CBLB: variants seen among roughly 807,000 people sequenced by gnomAD.
CBLB encodes E3 ubiquitin-protein ligase CBL-B.
CBLB carries 31 observed loss-of-function variants against 104.9 expected under a neutral mutation model. The observed-to-expected ratio is 0.30, with a 90% confidence interval of 0.22 to 0.40. The LOEUF is 0.40. CBLB is among the 10% of genes least tolerant of loss of function. The pLI, the probability that CBLB is intolerant of heterozygous loss-of-function variation, is 1.00. For synonymous variants in CBLB, 440 were observed against 422.6 expected (o/e 1.04, Z -0.51); for missense variants, 1,062 against 1,214.6 (o/e 0.87, Z 1.87).
intron 3 of CBLB, among the ~76,000 whole-genome samples, chr3:105,836,999 T>A (rs938229581): frequency 3.3e-5 from 5 of 149,914 alleles, no homozygotes; most frequent in Non-Finnish European, 5.9e-5. Flanking sequence ...ATAGCAAGAA[T>A]ATTAGATCCA....
Position 105,745,927 on chromosome 3 carries a change from T to G in CBLB, c.835A>C (p.Lys279Gln). The change falls in exon 6 of 19, where the codon AAA (lysine) becomes CAA (glutamine). Residue 279 changes from lysine (K) to glutamine (Q), a missense_variant. By Grantham distance (53) the Lys-to-Gln change is moderately conservative. Transcript: ENST00000394030. The stretch of plus-strand genomic sequence containing the variant: ...GCTAAAAAGTCTTACCTTCCGGGTT[T>G]GGTGCTATATTTCTGTAGTCGTGCT... ...VKARLQKYST[K>Q]PGSYIFRLSC... 6.2e-7 allele frequency: 1 copy of G among 1,612,200 alleles called. No homozygotes were observed. Among genetic ancestry groups the G allele is most frequent in the Non-Finnish European group, 8.5e-7 (1 of 1,178,284 alleles).
At chr3:105,831,467 C>T (rs1483517015) in intron 3 of CBLB, among the ~76,000 whole-genome samples, 6 of 152,180 alleles carry the variant, frequency 3.9e-5, no homozygotes, top group South Asian at 2.1e-4. Flanking sequence ...AAATGAGAAC[C>T]TGAAGCATCA....
intron 8 of CBLB, 45 bp from the exon 9 acceptor site, chr3:105,734,185 A>G: frequency 6.2e-7 from 1 of 1,603,002 alleles, no homozygotes; most frequent in Non-Finnish European, 8.5e-7. Context: ...ATGTATTTCC[A>G]GCACAAATTG....
rs1041929678 is a variant in CBLB at position 105,868,229 on chromosome 3, A to C, written c.-15+507T>G. The C allele has an allele frequency of 3.2e-6, 4 of 1,232,458 alleles. No individual in the cohort carries two copies. In the Admixed American group the frequency reaches 1.7e-4, roughly 52 times the overall value. The allele number at this position is 1,232,458 out of a possible 1,614,324, so 76.3% of individuals were successfully genotyped here. ...AAGAACCAAATGAAATTAACACACA[A>C]ATAGCCCATTTGAAAAGAGAAAAGA... On this transcript the variant is annotated intron_variant, in intron 1 of 18. Transcript: ENST00000394030.
chr3:105,700,657 G>A lies in CBLB; in HGVS notation c.1959+1437C>T, dbSNP rs761298508. On this transcript the variant is annotated intron_variant, in intron 12 of 18. Transcript: ENST00000394030. ...TTAGGTGAACCTGAGGAAACCTTTA[G>A]AGATCCTCATATTTATAATAGATGA... Among the ~76,000 whole-genome samples the A allele has an allele frequency of 5.3e-5, 8 of 152,120 alleles. 1 individual carries two copies. The highest frequency in any genetic ancestry group is 1.3e-4 in the Admixed American group (2 of 15,274).
intron 12 of CBLB, among the ~76,000 whole-genome samples, chr3:105,695,640 TCTAA>T (rs2068271407): frequency 2.0e-5 from 3 of 151,986 alleles, no homozygotes; most frequent in Non-Finnish European, 4.4e-5. Flanking sequence ...TGTCACTTTT[TCTAA>T]CTGTTTCAGA....
chr3:105,669,473 T>G (rs1401951458), intron 18 of CBLB, among the ~76,000 whole-genome samples: 1 of 152,276 alleles, frequency 6.6e-6, no homozygotes, highest in East Asian at 1.9e-4. Flanking sequence ...GTTTGCTGTT[T>G]AGGCAATCCA....
chr3:105,782,256 T>C (rs907923271), intron 3 of CBLB, among the ~76,000 whole-genome samples: 2 of 152,156 alleles, frequency 1.3e-5, no homozygotes, highest in Non-Finnish European at 2.9e-5. Context: ...AAAGTTCAAA[T>C]ACCAATAAAG....
At position 105,662,190 on chromosome 3, in the gene CBLB, C is replaced by T. The variant is rs181228288; in HGVS notation, c.2690-2961G>A. 1.4e-3 allele frequency among the ~76,000 whole-genome samples: 208 copies of T among 152,290 alleles called. 1 individual carries two copies. Among genetic ancestry groups the T allele is most frequent in the African/African-American group, 3.7e-3 (155 of 41,560 alleles). On this transcript the variant is annotated intron_variant, in intron 18 of 18. Coordinates refer to ENST00000394030, the MANE Select transcript of CBLB (RefSeq NM_170662.5). ...TTTCTGTCTCTTCCCAAAGCCCAGA[C>T]GCAGCCTTCACTTTCTCCACTTTTC...
chr3:105,812,353 A>G (rs1400605688), intron 3 of CBLB, among the ~76,000 whole-genome samples: 1 of 152,228 alleles, frequency 6.6e-6, no homozygotes, highest in African/African-American at 2.4e-5. Context: ...CAGACCAGTC[A>G]CATCCCACTG....
At chr3:105,696,087 TAC>T (rs912617745) in intron 12 of CBLB, among the ~76,000 whole-genome samples, 5 of 150,524 alleles carry the variant, frequency 3.3e-5, no homozygotes, top group Non-Finnish European at 5.9e-5. Context: ...TATATACACA[TAC>T]ACACACACAC....
Position 105,776,554 on chromosome 3 carries a change from A to G in CBLB, c.420-12T>C, listed in dbSNP as rs1411721057. 1 of 1,613,182 alleles carries G rather than the reference A, an allele frequency of 6.2e-7. No homozygotes were observed. The highest frequency in any genetic ancestry group is 8.5e-7 in the Non-Finnish European group (1 of 1,179,500). ...TTGTGAGATTTCGTCTGTAGGCACA[A>G]GGGAAAAAAATGAAGATAAGAAATA... On this transcript the variant is annotated splice_polypyrimidine_tract_variant and intron_variant, in intron 3 of 18. Coordinates refer to ENST00000394030, the MANE Select transcript of CBLB (RefSeq NM_170662.5).
chr3:105,791,762 A>G (rs977386850), intron 3 of CBLB, among the ~76,000 whole-genome samples: 1 of 152,158 alleles, frequency 6.6e-6, no homozygotes, highest in African/African-American at 2.4e-5. Flanking sequence ...ATACAGTACC[A>G]CATGGGGATA....
intron 17 of CBLB, among the ~76,000 whole-genome samples, chr3:105,674,700 G>C (rs567282406): frequency 6.6e-6 from 1 of 152,272 alleles, no homozygotes; most frequent in South Asian, 2.1e-4. Context: ...ATGGAAAAAA[G>C]CACATATACA....
At chr3:105,823,633 T>A (rs1436849779) in intron 3 of CBLB, among the ~76,000 whole-genome samples, 1 of 152,194 alleles carries the variant, frequency 6.6e-6, no homozygotes, top group Non-Finnish European at 1.5e-5. Flanking sequence ...CTTATTGCTT[T>A]GCTGCTGGTT....
intron 6 of CBLB, among the ~76,000 whole-genome samples, chr3:105,744,199 C>T (rs1378859443): frequency 6.6e-6 from 1 of 152,098 alleles, no homozygotes; most frequent in African/African-American, 2.4e-5. Flanking sequence ...AAAATAAAGG[C>T]CTCAGTTCCC....
chr3:105,655,528 C>T lies in CBLB; in HGVS notation c.*3442G>A, dbSNP rs1037070253. The T allele has an allele frequency of 2.3e-5, 4 of 176,786 alleles. No individual in the cohort carries two copies. The highest frequency in any genetic ancestry group is 9.7e-5 in the East Asian group (1 of 10,346). The allele number at this position is 176,786 out of a possible 1,614,324, so 11.0% of individuals were successfully genotyped here. On this transcript the variant is annotated 3_prime_UTR_variant, in exon 19 of 19. Coordinates refer to ENST00000394030, the MANE Select transcript of CBLB (RefSeq NM_170662.5). ...TAAAGTACTTGAGGTTACATAATAA[C>T]CAGAATTGAAAAGGAATGAATAAAA...
In CBLB at chr3:105,662,264, A is replaced by G. The variant is rs114745679; in HGVS notation, c.2690-3035T>C. On this transcript the variant is annotated intron_variant, in intron 18 of 18. Transcript: ENST00000394030. ...ATTACACCAGGTCCTCATTTACTTT[A>G]GCACTTTCGAATGTGTAGGGTAGTG... Among the ~76,000 whole-genome samples the G allele has an allele frequency of 2.8e-3, 421 of 152,302 alleles. 5 individuals are homozygous for G. The highest frequency in any genetic ancestry group is 9.8e-3 in the African/African-American group (406 of 41,564).
intron 18 of CBLB, among the ~76,000 whole-genome samples, chr3:105,660,736 C>A (rs1435670234): frequency 6.6e-6 from 1 of 152,110 alleles, no homozygotes; most frequent in Non-Finnish European, 1.5e-5. Context: ...TCAGGAGATA[C>A]TGTAAGCTGA....
Sources: allele counts gnomAD v4.1 joint callset (sites outside exome capture counted in the v4.1 genomes callset), GRCh38; gene constraint gnomAD v4.1.1; transcripts MANE v1.5; gene names NCBI Gene and HGNC (gene_info 2026-07-23, HGNC 2026-07-21).